Variants in FER observed in about 807,000 individuals in gnomAD.
FER encodes tyrosine-protein kinase Fer.
A neutral mutation model predicts 111.0 loss-of-function variants in FER; 63 were observed. The ratio of observed to expected loss-of-function variants is 0.57; its 90% CI spans 0.46 to 0.70. The LOEUF (loss-of-function observed/expected upper bound fraction) is 0.70. FER is among the 30% of genes least tolerant of loss of function. FER has a pLI of 0.00. For synonymous variants in FER, 327 were observed against 313.9 expected (o/e 1.04, Z -0.44); for missense variants, 914 against 954.0 (o/e 0.96, Z 0.55).
At chr5:108,879,715 T>A (rs1765487866) in intron 8 of FER, among the ~76,000 whole-genome samples, 1 of 139,964 alleles carries the variant, frequency 7.1e-6, no homozygotes, top group African/African-American at 2.7e-5. Context: ...TATATATATA[T>A]ATATATATAT....
intron 10 of FER, among the ~76,000 whole-genome samples, chr5:108,945,703 T>G (rs917604504): frequency 2.7e-5 from 3 of 112,762 alleles, no homozygotes; most frequent in Admixed American, 8.6e-5. Flanking sequence ...TTTATTCCTG[T>G]TTTTTTTTGT....
intron 5 of FER, chr5:108,842,737 A>G (rs1323892980): frequency 1.3e-5 from 2 of 152,154 alleles, no homozygotes; most frequent in Non-Finnish European, 2.9e-5. Context: ...CAAAAACAAA[A>G]CAAAACAAAA....
At chr5:108,856,499 GGTTA>G (rs1421197604) in intron 5 of FER, among the ~76,000 whole-genome samples, 1 of 151,930 alleles carries the variant, frequency 6.6e-6, no homozygotes, top group Non-Finnish European at 1.5e-5. Flanking sequence ...AGGAGTTGGA[GGTTA>G]GTATGTGTTT....
chr5:109,080,471 A>G (rs989378517), intron 16 of FER, among the ~76,000 whole-genome samples: 1 of 152,164 alleles, frequency 6.6e-6, no homozygotes, highest in African/African-American at 2.4e-5. Flanking sequence ...AAAGAAATAA[A>G]CAATGCATTA....
At chr5:108,905,517 T>C (rs915535606) in intron 10 of FER, among the ~76,000 whole-genome samples, 1 of 152,134 alleles carries the variant, frequency 6.6e-6, no homozygotes, top group Non-Finnish European at 1.5e-5. Context: ...TCCTCAGATT[T>C]ATTTATTCAG....
intron 2 of FER, among the ~76,000 whole-genome samples, chr5:108,792,864 T>G (rs1407076826): frequency 1.3e-5 from 2 of 152,078 alleles, no homozygotes; most frequent in African/African-American, 4.8e-5. Context: ...CTATTACTTA[T>G]TTTTTGTTTA....
chr5:108,780,951 T>C (rs1456764059), intron 2 of FER, among the ~76,000 whole-genome samples: 2 of 152,082 alleles, frequency 1.3e-5, no homozygotes, highest in East Asian at 3.9e-4. Flanking sequence ...GAACCCAACA[T>C]AGGCATTCTT....
intron 13 of FER, among the ~76,000 whole-genome samples, chr5:108,976,945 A>G (rs1469738101): frequency 2.0e-5 from 3 of 152,276 alleles, no homozygotes; most frequent in South Asian, 2.1e-4. Flanking sequence ...TGTGGGTCCC[A>G]TGGTGTTATT....
At chr5:108,785,148 G>C in intron 2 of FER, 1 of 596,616 alleles carries the variant, frequency 1.7e-6, no homozygotes. Context: ...CTGGCTAACT[G>C]CAAGCTGAAG....
chr5:109,058,092 A>G (rs116382535), intron 16 of FER, among the ~76,000 whole-genome samples: 12,607 of 152,262 alleles, frequency 0.083, 631 homozygotes, highest in Middle Eastern at 0.17. Flanking sequence ...AATCATATAG[A>G]TAAAATAGAA....
At chr5:109,130,996 T>G (rs1179109925) in intron 17 of FER, among the ~76,000 whole-genome samples, 1 of 152,194 alleles carries the variant, frequency 6.6e-6, no homozygotes, top group African/African-American at 2.4e-5. Flanking sequence ...TCTCTTAAAT[T>G]GTGTGCTCTT....
intron 12 of FER, 104 bp from the exon 13 acceptor site, chr5:108,959,121 G>T (rs774421428): frequency 2.6e-6 from 3 of 1,151,606 alleles, no homozygotes; most frequent in Non-Finnish European, 3.7e-6. Flanking sequence ...TCACATTGTT[G>T]TGCAATTATA....
At chr5:108,964,246 G>C (rs1405933509) in intron 13 of FER, among the ~76,000 whole-genome samples, 3 of 152,122 alleles carry the variant, frequency 2.0e-5, no homozygotes, top group Admixed American at 2.0e-4. Flanking sequence ...CTGTGTTGAG[G>C]ACAGTGTTTA....
chr5:109,024,741 C>A (rs1197264098), intron 13 of FER, among the ~76,000 whole-genome samples: 1 of 152,100 alleles, frequency 6.6e-6, no homozygotes, highest in Non-Finnish European at 1.5e-5. Context: ...TTGATGAGCC[C>A]CTGTGCCTTT....
At chr5:109,034,141 C>G (rs941909228) in intron 13 of FER, among the ~76,000 whole-genome samples, 2 of 152,200 alleles carry the variant, frequency 1.3e-5, no homozygotes. Flanking sequence ...CTCCATTCCT[C>G]AACCCCTCAC....
chr5:109,072,184 G>T (rs978188420), intron 16 of FER, among the ~76,000 whole-genome samples: 2 of 150,958 alleles, frequency 1.3e-5, no homozygotes, highest in Non-Finnish European at 3.0e-5. Context: ...TTTCAGGCAG[G>T]CTTGATTTTT....
intron 13 of FER, among the ~76,000 whole-genome samples, chr5:109,020,117 A>G (rs1767731969): frequency 6.6e-6 from 1 of 151,980 alleles, no homozygotes; most frequent in Admixed American, 6.6e-5. Context: ...AATTAATTGT[A>G]TGTACATTGC....
chr5:109,051,818 C>G, intron 16 of FER: 1 of 1,597,610 alleles, frequency 6.3e-7, no homozygotes, highest in Non-Finnish European at 8.6e-7. Context: ...AAGGACACCA[C>G]CAGCATGAAG....
intron 13 of FER, among the ~76,000 whole-genome samples, chr5:108,997,750 G>A (rs893439019): frequency 6.6e-6 from 1 of 152,066 alleles, no homozygotes; most frequent in Non-Finnish European, 1.5e-5. Context: ...TTCCCCAGGT[G>A]CTCTGTTTCA....
Sources: allele counts gnomAD v4.1 joint callset (sites outside exome capture counted in the v4.1 genomes callset), GRCh38; gene constraint gnomAD v4.1.1; transcripts MANE v1.5; gene names NCBI Gene and HGNC (gene_info 2026-07-23, HGNC 2026-07-21).